TMOD1: variants seen among roughly 807,000 people sequenced by gnomAD.
The protein encoded by TMOD1 is tropomodulin-1.
A neutral mutation model predicts 40.6 loss-of-function variants in TMOD1; 17 were observed. The ratio of observed to expected loss-of-function variants is 0.42; its 90% confidence interval spans 0.29 to 0.63. TMOD1 has a LOEUF of 0.63. Ranked by LOEUF, TMOD1 falls within the 20% of genes least tolerant of loss-of-function variation. The probability of loss-of-function intolerance (pLI) is 0.22; values close to 1 mark genes in which losing one functional copy is unlikely to be tolerated. For missense variants in TMOD1, 391 were observed against 447.6 expected (o/e 0.87, Z 1.14); for synonymous variants, 181 against 175.0 (o/e 1.03, Z -0.27).
chr9:97,527,661 C>T (rs1293056196), intron 2 of TMOD1, among the ~76,000 whole-genome samples: 1 of 152,140 alleles, frequency 6.6e-6, no homozygotes, highest in East Asian at 1.9e-4. Flanking sequence ...GAGGGGGCGG[C>T]AAGGCCGACT....
intron 1 of TMOD1, among the ~76,000 whole-genome samples, chr9:97,521,580 T>C (rs1306577298): frequency 2.0e-5 from 3 of 152,188 alleles, no homozygotes; most frequent in Non-Finnish European, 4.4e-5. Flanking sequence ...TTTTCGTCGA[T>C]ACCAGAGCAC....
chr9:97,521,126 T>G (rs1829908785), intron 1 of TMOD1, among the ~76,000 whole-genome samples: 1 of 152,210 alleles, frequency 6.6e-6, no homozygotes, highest in South Asian at 2.1e-4. Context: ...CTTGTGTGGT[T>G]CTGATGTGAC....
At chr9:97,577,432 C>A (rs1825637427) in intron 8 of TMOD1, among the ~76,000 whole-genome samples, 1 of 152,190 alleles carries the variant, frequency 6.6e-6, no homozygotes, top group Non-Finnish European at 1.5e-5. Flanking sequence ...GCAACTGACC[C>A]ATGCTAGGAT....
intron 8 of TMOD1, among the ~76,000 whole-genome samples, chr9:97,584,683 T>G (rs1825830566): frequency 6.6e-6 from 1 of 152,200 alleles, no homozygotes; most frequent in Admixed American, 6.5e-5. Context: ...ATCTGGGTGC[T>G]CCTGTATTGG....
chr9:97,568,759 C>T (rs1830772297), intron 7 of TMOD1, 135 bp from the exon 8 acceptor site: 2 of 1,018,294 alleles, frequency 2.0e-6, no homozygotes, highest in East Asian at 2.4e-5. Context: ...GAGACACAGT[C>T]AGAGTTGTGC....
chr9:97,557,209 G>A lies in TMOD1; in HGVS notation c.397+3809G>A, dbSNP rs1429477611. Among the ~76,000 whole-genome samples, 3 of 152,046 alleles carry A rather than the reference G, an allele frequency of 2.0e-5. No individual in the cohort carries two copies. The highest frequency in any genetic ancestry group is 6.6e-5 in the Admixed American group (1 of 15,262). ...ACATGTAGATTTCAACATTAAAAGC[G>A]TCCCTGCTGGGCAACAAGCAGAGTG... On this transcript the variant is annotated intron_variant, in intron 4 of 9. Transcript: ENST00000259365. The surrounding 1 kb of genome is among the most constrained non-coding windows in gnomAD (Gnocchi z 4.4).
chr9:97,510,469 G>A (rs1257554981), intron 1 of TMOD1, among the ~76,000 whole-genome samples: 1 of 152,140 alleles, frequency 6.6e-6, no homozygotes, highest in Non-Finnish European at 1.5e-5. Context: ...GACCTCAGGG[G>A]ATCCACCCAC....
In TMOD1 at chr9:97,576,881, C is replaced by T. The variant is rs548443779; in HGVS notation, c.870+7844C>T. On this transcript the variant is annotated intron_variant, in intron 8 of 9. Coordinates refer to ENST00000259365, the MANE Select transcript of TMOD1 (RefSeq NM_003275.4). ...GTCTCGATCTCCTGACCTTGTGATC[C>T]GCCCACCTCGGCCTCCCAAATTGCT... 2.6e-4 allele frequency among the ~76,000 whole-genome samples: 40 copies of T among 152,150 alleles called. No individual in the cohort carries two copies. In the East Asian group the frequency reaches 6.4e-3, roughly 24 times the overall value.
intron 4 of TMOD1, chr9:97,555,695 C>G (rs1389128322): frequency 1.3e-6 from 2 of 1,550,092 alleles, no homozygotes; most frequent in Non-Finnish European, 1.7e-6. Context: ...GACCACCTAC[C>G]ATGTCCCAGG....
At chr9:97,595,951 G>A (rs1175086075) in intron 9 of TMOD1, among the ~76,000 whole-genome samples, 1 of 152,042 alleles carries the variant, frequency 6.6e-6, no homozygotes, top group Non-Finnish European at 1.5e-5. Flanking sequence ...GCAGGCACCT[G>A]TAATCCCAGC....
At chr9:97,580,442 T>C (rs923157099) in intron 8 of TMOD1, among the ~76,000 whole-genome samples, 12 of 152,100 alleles carry the variant, frequency 7.9e-5, no homozygotes, top group African/African-American at 2.7e-4. Flanking sequence ...CCATCTCTAC[T>C]AAAAACACAA....
intron 2 of TMOD1, 37 bp from the exon 3 acceptor site, chr9:97,546,136 CTCTCTCTCTCTT>C: frequency 1.4e-6 from 2 of 1,424,242 alleles, no homozygotes; most frequent in Non-Finnish European, 1.9e-6. Flanking sequence ...CTCTCTCTTT[CTCTCTCTCTCTT>C]TCTCTCTCTC....
At position 97,546,241 on chromosome 9, in the gene TMOD1, G is replaced by A. The variant is rs748130911; in HGVS notation, c.177G>A (p.Thr59=). 4 of 1,613,878 alleles carry A rather than the reference G, an allele frequency of 2.5e-6. No homozygotes were observed. Among genetic ancestry groups the A allele is most frequent in the Non-Finnish European group, 3.4e-6 (4 of 1,179,982 alleles). The change falls in exon 3 of 10, where the codon ACG becomes ACA. Residue 59 remains threonine, a synonymous_variant. Transcript: ENST00000259365. ...AGGATCAGACCACCAAGGCGCCCAC[G>A]GGCCCCTTTAAAAGAGAGGAGCTCT... ...RQKDQTTKAP[T]GPFKREELLD... is the part of the protein sequence containing the mutation.
intron 8 of TMOD1, among the ~76,000 whole-genome samples, chr9:97,584,572 C>T (rs1165814533): frequency 5.3e-5 from 8 of 152,024 alleles, no homozygotes; most frequent in Non-Finnish European, 7.4e-5. Context: ...CTTTCTGTCT[C>T]GTTGATCTGT....
At chr9:97,552,546 C>T (rs1048635695) in intron 3 of TMOD1, among the ~76,000 whole-genome samples, 1 of 152,234 alleles carries the variant, frequency 6.6e-6, no homozygotes, top group Non-Finnish European at 1.5e-5. Flanking sequence ...ACATAGGAAG[C>T]ACTCAATAAA....
intron 4 of TMOD1, among the ~76,000 whole-genome samples, chr9:97,554,720 C>T (rs1161329001): frequency 6.6e-6 from 1 of 152,022 alleles, no homozygotes; most frequent in African/African-American, 2.4e-5. Flanking sequence ...GGCATGTAAG[C>T]CCAGAGGCCA....
intron 1 of TMOD1, among the ~76,000 whole-genome samples, chr9:97,517,531 G>T (rs1424560819): frequency 6.6e-6 from 1 of 152,098 alleles, no homozygotes; most frequent in Non-Finnish European, 1.5e-5. Context: ...GGTTGGGCAT[G>T]TGGGGCCTGA....
intron 4 of TMOD1, among the ~76,000 whole-genome samples, chr9:97,555,027 G>A (rs1830514729): frequency 6.6e-6 from 1 of 152,116 alleles, no homozygotes; most frequent in Non-Finnish European, 1.5e-5. Flanking sequence ...AAGGACAAAG[G>A]GCAATGGCTT....
intron 7 of TMOD1, among the ~76,000 whole-genome samples, chr9:97,567,715 GAC>G (rs1587948084): frequency 6.6e-6 from 1 of 152,208 alleles, no homozygotes; most frequent in East Asian, 1.9e-4. Flanking sequence ...CCAAGTCAGA[GAC>G]AGACGCCATC....
Sources: allele counts gnomAD v4.1 joint callset (sites outside exome capture counted in the v4.1 genomes callset), GRCh38; gene constraint gnomAD v4.1.1; non-coding constraint Gnocchi (gnomAD v3.1); transcripts MANE v1.5; gene names NCBI Gene and HGNC (gene_info 2026-07-23, HGNC 2026-07-21).